The following TVP23A variants were observed in gnomAD, a reference collection of about 807,000 sequenced individuals.
TVP23A encodes the protein trans-golgi network vesicle protein 23 homolog A.
TVP23A carries 21 observed loss-of-function variants against 31.7 expected under a neutral mutation model. The ratio of observed to expected loss-of-function variants is 0.66; its 90% CI spans 0.47 to 0.95. The LOEUF (loss-of-function observed/expected upper bound fraction) is 0.95, where lower values mean the gene tolerates loss of function less well. Among genes scored for constraint, TVP23A ranks in the 40% least tolerant of loss-of-function variants. TVP23A has a pLI of 0.00. For synonymous variants in TVP23A, 104 were observed against 96.0 expected, an observed-to-expected ratio of 1.08 and a Z score of -0.49; for missense variants, 279 against 255.6, an observed-to-expected ratio of 1.09 and a Z score of -0.62.
At chr16:10,788,052 C>T (rs993807523) in intron 2 of TVP23A, among the ~76,000 whole-genome samples, 1 of 152,092 alleles carries the variant, frequency 6.6e-6, no homozygotes, top group African/African-American at 2.4e-5. Flanking sequence ...CGGGCTACAA[C>T]CTGGCTTCAT....
At chr16:10,769,367 T>G (rs1198417226) in intron 7 of TVP23A, 2 of 399,976 alleles carry the variant, frequency 5.0e-6, no homozygotes, top group Non-Finnish European at 8.9e-6. Context: ...CGAGGCCTGT[T>G]TCACGTAAAA....
intron 2 of TVP23A, among the ~76,000 whole-genome samples, chr16:10,806,121 T>C (rs2143000044): frequency 6.6e-6 from 1 of 152,308 alleles, no homozygotes; most frequent in Admixed American, 6.5e-5. Flanking sequence ...GGCGGATGGA[T>C]TGCTGGAGGT....
At chr16:10,811,676 G>A (rs1008330467) in intron 2 of TVP23A, among the ~76,000 whole-genome samples, 1 of 151,922 alleles carries the variant, frequency 6.6e-6, no homozygotes, top group Non-Finnish European at 1.5e-5. Flanking sequence ...AGGCCGAGGC[G>A]GGCGGATCAC....
At chr16:10,788,438 C>A (rs899894529) in intron 2 of TVP23A, among the ~76,000 whole-genome samples, 2 of 152,046 alleles carry the variant, frequency 1.3e-5, no homozygotes, top group African/African-American at 4.8e-5. Context: ...CCACACCCGG[C>A]TAATTGTTTG....
At chr16:10,791,248 G>A (rs1464399395) in intron 2 of TVP23A, among the ~76,000 whole-genome samples, 5 of 152,104 alleles carry the variant, frequency 3.3e-5, no homozygotes, top group Non-Finnish European at 5.9e-5. Context: ...TTTGTCAGAC[G>A]AATGTTTTTC....
intron 2 of TVP23A, among the ~76,000 whole-genome samples, chr16:10,783,783 A>G (rs2032567811): frequency 6.6e-6 from 1 of 152,224 alleles, no homozygotes; most frequent in African/African-American, 2.4e-5. Flanking sequence ...AGACCTCAAA[A>G]AGGCATAGAG....
rs1036771641 is a variant in TVP23A at position 10,818,639 on chromosome 16, C to T, written c.-146G>A. ...GGGCCTGCGCCCTGTGGGGCAGCCT[C>T]AGCGCAGCTTCTCGGGTGGGGCGGG... On this transcript the variant is annotated 5_prime_UTR_variant, in exon 1 of 8. Coordinates refer to ENST00000299866, the MANE Select transcript of TVP23A (RefSeq NM_001079512.4). This position sits in a 1 kb window ranked among gnomAD's most constrained non-coding sequence, Gnocchi z 4.7. 8 of 1,034,620 alleles carry T rather than the reference C, an allele frequency of 7.7e-6. No individual in the cohort carries two copies. Among genetic ancestry groups the T allele is most frequent in the Non-Finnish European group, 1.1e-5 (8 of 757,668 alleles). The allele number at this position is 1,034,620 out of a possible 1,614,324, so 64.1% of individuals were successfully genotyped here. A position where few individuals can be genotyped will look rare whatever the true frequency, so the allele number is the denominator to read the frequency against.
At chr16:10,816,916 AG>A (rs1302840645) in intron 2 of TVP23A, among the ~76,000 whole-genome samples, 3 of 127,504 alleles carry the variant, frequency 2.4e-5, no homozygotes, top group Non-Finnish European at 5.0e-5. Context: ...AAAGAGGCAC[AG>A]GGAAACTTCA....
chr16:10,776,471 G>T (rs2032028906), intron 2 of TVP23A, among the ~76,000 whole-genome samples: 1 of 152,198 alleles, frequency 6.6e-6, no homozygotes, highest in Non-Finnish European at 1.5e-5. Flanking sequence ...CCAGACTGAA[G>T]ACACTTGTGG....
intron 2 of TVP23A, among the ~76,000 whole-genome samples, chr16:10,810,463 A>G (rs551904246): frequency 2.6e-5 from 4 of 151,600 alleles, no homozygotes; most frequent in Admixed American, 6.6e-5. Context: ...AGGAGGATCA[A>G]TTGAGCCCGG....
rs1054850473 is a variant in TVP23A at position 10,761,266 on chromosome 16, A to T, written c.*509T>A. The stretch of plus-strand genomic sequence containing the variant: ...GGGCAGAAACCTCTAAGGCTTTATG[A>T]TCGCAGATCCACTGCATTGCAGCCA... On this transcript the variant is annotated 3_prime_UTR_variant and NMD_transcript_variant, in exon 9 of 9. Transcript: ENST00000456096. 2.7e-6 allele frequency: 3 copies of T among 1,098,694 alleles called. No individual in the cohort carries two copies. The African/African-American group carries it at 4.7e-5, about 17-fold the overall frequency. 68.1% of individuals were successfully genotyped at this position (1,098,694 alleles called of 1,614,324 possible).
At chr16:10,784,612 T>C (rs1015647877) in intron 2 of TVP23A, among the ~76,000 whole-genome samples, 3 of 151,642 alleles carry the variant, frequency 2.0e-5, no homozygotes, top group African/African-American at 4.9e-5. Context: ...CCTCATAAAA[T>C]GTACAACATC....
At chr16:10,795,186 T>A (rs1426945877) in intron 2 of TVP23A, among the ~76,000 whole-genome samples, 2 of 151,566 alleles carry the variant, frequency 1.3e-5, no homozygotes, top group African/African-American at 2.4e-5. Context: ...AGGCTCCCAC[T>A]GGCCAACAGT....
At chr16:10,810,848 G>A (rs2034164591) in intron 2 of TVP23A, among the ~76,000 whole-genome samples, 1 of 152,170 alleles carries the variant, frequency 6.6e-6, no homozygotes, top group Non-Finnish European at 1.5e-5. Context: ...GGGCTAGGAT[G>A]GGTTTTATGC....
chr16:10,796,627 A>G (rs2033404525), intron 2 of TVP23A, among the ~76,000 whole-genome samples: 1 of 151,950 alleles, frequency 6.6e-6, no homozygotes, highest in Non-Finnish European at 1.5e-5. Flanking sequence ...TTTAGTAGAG[A>G]CAGGGTTTCA....
At chr16:10,785,096 C>CAA (rs56109185) in intron 2 of TVP23A, among the ~76,000 whole-genome samples, 10 of 76,324 alleles carry the variant, frequency 1.3e-4, no homozygotes, top group South Asian at 4.0e-4. Context: ...GACTCCGTCT[C>CAA]AAAAAAAAAA....
Position 10,801,573 on chromosome 16 carries a change from C to T in TVP23A, c.89+16530G>A, listed in dbSNP as rs181201344. 3.4e-3 allele frequency among the ~76,000 whole-genome samples: 519 copies of T among 152,262 alleles called. 6 individuals are homozygous for T. The highest frequency in any genetic ancestry group is 0.012 in the African/African-American group (486 of 41,542). On this transcript the variant is annotated intron_variant, in intron 2 of 7. Transcript: ENST00000299866. ...CTGGGTTCAAGCGATTCTCATCCCTCAGCCTCCTGAGTAGCTGGGATTAGA... is the reference window on the plus strand; with the variant it reads ...CTGGGTTCAAGCGATTCTCATCCCTTAGCCTCCTGAGTAGCTGGGATTAGA...
At chr16:10,761,928 CAG>C (rs956067538), downstream of TVP23A, 258 of 1,226,896 alleles carry the variant, frequency 2.1e-4, 5 homozygotes, top group Middle Eastern at 5.2e-3. Context: ...TCGGGCACAA[CAG>C]GGGGCGGCTA....
At chr16:10,787,565 G>A (rs1435642125) in intron 2 of TVP23A, among the ~76,000 whole-genome samples, 1 of 152,136 alleles carries the variant, frequency 6.6e-6, no homozygotes, top group African/African-American at 2.4e-5. Flanking sequence ...GCAGCCTTCC[G>A]TGAGCGCTAT....
Sources: gnomAD v4.1 joint callset for allele counts (sites outside exome capture counted in the v4.1 genomes callset) on GRCh38, gnomAD v4.1.1 for gene constraint, Gnocchi (gnomAD v3.1) non-coding constraint, MANE v1.5 for transcripts, NCBI Gene and HGNC (gene_info 2026-07-23, HGNC 2026-07-21) for gene names.